The following USP12 variants were observed in gnomAD, a reference collection of about 807,000 sequenced individuals.
USP12 encodes the protein ubiquitin specific peptidase 12, also known as ubiquitin carboxyl-terminal hydrolase 12.
In USP12, 19 loss-of-function variants were observed where a neutral mutation model predicts 45.5. The observed-to-expected ratio is 0.42, with a 90% CI of 0.29 to 0.61. USP12 has a LOEUF of 0.61. Among genes scored for constraint, USP12 ranks in the 20% least tolerant of loss-of-function variants. USP12 has a pLI of 0.22. For synonymous variants in USP12, 149 were observed against 148.8 expected, an observed-to-expected ratio of 1.00 and a Z score of -0.01; for missense variants, 242 against 447.7, an observed-to-expected ratio of 0.54 and a Z score of 4.15.
At chr13:27,137,401 C>CA (rs1331411123) in intron 1 of USP12, among the ~76,000 whole-genome samples, 1 of 151,650 alleles carries the variant, frequency 6.6e-6, no homozygotes, top group South Asian at 2.1e-4. Flanking sequence ...TATTAGTAAA[C>CA]AAAAAAAATC....
intron 1 of USP12, among the ~76,000 whole-genome samples, chr13:27,151,285 T>C (rs9553974): frequency 0.6 from 91,524 of 151,780 alleles, 28,459 homozygotes; most frequent in East Asian, 0.83. Context: ...GAGCCAAGAT[T>C]CAGCGACAAA....
intron 2 of USP12, among the ~76,000 whole-genome samples, chr13:27,113,666 TATCA>T (rs1423268405): frequency 6.6e-6 from 1 of 152,232 alleles, no homozygotes; most frequent in East Asian, 1.9e-4. Flanking sequence ...ACTGTCGTGT[TATCA>T]ATCAAAGCCC....
intron 1 of USP12, among the ~76,000 whole-genome samples, chr13:27,119,616 C>A (rs756427566): frequency 1.8e-4 from 28 of 152,214 alleles, no homozygotes; most frequent in Non-Finnish European, 3.7e-4. Context: ...TTTCTAAAAT[C>A]CCTTCTCACT....
intron 1 of USP12, among the ~76,000 whole-genome samples, chr13:27,127,796 T>G (rs1242468046): frequency 6.6e-6 from 1 of 152,236 alleles, no homozygotes; most frequent in African/African-American, 2.4e-5. Flanking sequence ...AATCCAATTC[T>G]ATGATTAATC....
At chr13:27,125,779 T>C (rs947833334) in intron 1 of USP12, among the ~76,000 whole-genome samples, 1 of 152,224 alleles carries the variant, frequency 6.6e-6, no homozygotes, top group African/African-American at 2.4e-5. Flanking sequence ...TGACGGTCTT[T>C]GCAACCGGCA....
chr13:27,073,607 T>C (rs57515458), intron 7 of USP12, among the ~76,000 whole-genome samples: 12,149 of 152,210 alleles, frequency 0.08, 559 homozygotes, highest in Middle Eastern at 0.1. Flanking sequence ...TCTAAAAATC[T>C]AGCATGATTT....
At chr13:27,145,751 A>T (rs1161456593) in intron 1 of USP12, among the ~76,000 whole-genome samples, 3 of 152,158 alleles carry the variant, frequency 2.0e-5, no homozygotes, top group African/African-American at 7.2e-5. Context: ...CTGTAACTCT[A>T]TACCACAAAA....
chr13:27,168,002 A>G (rs1246861556), intron 1 of USP12, among the ~76,000 whole-genome samples: 2 of 152,260 alleles, frequency 1.3e-5, no homozygotes, highest in African/African-American at 2.4e-5. Flanking sequence ...CAAACAAAAA[A>G]GAAAAGACAG....
At chr13:27,093,907 T>A (rs1273438118) in intron 4 of USP12, among the ~76,000 whole-genome samples, 2 of 152,192 alleles carry the variant, frequency 1.3e-5, no homozygotes, top group African/African-American at 2.4e-5. Flanking sequence ...TGCATATTGC[T>A]AAGTGGAAGA....
At chr13:27,150,656 G>A (rs935849090) in intron 1 of USP12, among the ~76,000 whole-genome samples, 2 of 152,170 alleles carry the variant, frequency 1.3e-5, no homozygotes, top group African/African-American at 2.4e-5. Context: ...CCAGGAGAAC[G>A]AGACTGCAAT....
At chr13:27,142,016 C>A (rs963080136) in intron 1 of USP12, among the ~76,000 whole-genome samples, 2 of 151,716 alleles carry the variant, frequency 1.3e-5, no homozygotes, top group African/African-American at 4.9e-5. Flanking sequence ...CAGCCACTTG[C>A]AAGGCTGAAG....
chr13:27,139,555 G>C (rs1030600705), intron 1 of USP12, among the ~76,000 whole-genome samples: 6 of 152,186 alleles, frequency 3.9e-5, no homozygotes, highest in African/African-American at 1.4e-4. Context: ...GGCGGAGGCT[G>C]CAGTGAGCCG....
chr13:27,074,844 C>A (rs1873403708), intron 7 of USP12, among the ~76,000 whole-genome samples: 1 of 152,116 alleles, frequency 6.6e-6, no homozygotes, highest in Non-Finnish European at 1.5e-5. Flanking sequence ...CATTGATATG[C>A]TGAACATACG....
chr13:27,102,116 T>G (rs998035358), intron 3 of USP12, among the ~76,000 whole-genome samples: 1 of 152,210 alleles, frequency 6.6e-6, no homozygotes, highest in African/African-American at 2.4e-5. Flanking sequence ...CTGAAATGAC[T>G]GACACTGCTA....
At chr13:27,169,842 A>G (rs1396957393) in intron 1 of USP12, among the ~76,000 whole-genome samples, 2 of 151,994 alleles carry the variant, frequency 1.3e-5, no homozygotes, top group Non-Finnish European at 2.9e-5. Flanking sequence ...CCCAGTACTC[A>G]GCGTCGCCTC....
intron 1 of USP12, among the ~76,000 whole-genome samples, chr13:27,133,630 A>T (rs1240928028): frequency 6.6e-6 from 1 of 150,630 alleles, no homozygotes; most frequent in Non-Finnish European, 1.5e-5. Flanking sequence ...CTGTCTCAAA[A>T]AAAAAAAAAA....
chr13:27,158,823 T>C (rs1233318093), intron 1 of USP12, among the ~76,000 whole-genome samples: 1 of 152,178 alleles, frequency 6.6e-6, no homozygotes, highest in Non-Finnish European at 1.5e-5. Flanking sequence ...ACATTGAAGA[T>C]CATGGGAAAT....
intron 2 of USP12, among the ~76,000 whole-genome samples, chr13:27,116,056 T>C (rs1013914276): frequency 6.6e-6 from 1 of 152,204 alleles, no homozygotes; most frequent in African/African-American, 2.4e-5. Flanking sequence ...CTCACGCCTC[T>C]AATCCCAGCA....
At chr13:27,166,398 G>A (rs1878346837) in intron 1 of USP12, among the ~76,000 whole-genome samples, 1 of 152,132 alleles carries the variant, frequency 6.6e-6, no homozygotes, top group Non-Finnish European at 1.5e-5. Context: ...TTTAAAGGCA[G>A]GAAGAAAGGA....
Sources: allele counts gnomAD v4.1 joint callset (sites outside exome capture counted in the v4.1 genomes callset), GRCh38; gene constraint gnomAD v4.1.1; transcripts MANE v1.5; gene names NCBI Gene and HGNC (gene_info 2026-07-23, HGNC 2026-07-21).